Variants in FGF14 observed in about 807,000 individuals in gnomAD.
FGF14 encodes the protein fibroblast growth factor 14, also known as fibroblast growth factor homologous factor 4.
In FGF14, 5 loss-of-function variants were observed where a neutral mutation model predicts 25.5. That is an observed-to-expected ratio of 0.20 (90% CI 0.10 to 0.41). The LOEUF (loss-of-function observed/expected upper bound fraction) is 0.41. Ranked by LOEUF, FGF14 falls within the 10% of genes least tolerant of loss-of-function variation. The probability of loss-of-function intolerance (pLI) is 1.00; values close to 1 mark genes in which losing one functional copy is unlikely to be tolerated. For synonymous variants in FGF14, 138 were observed against 118.3 expected, an observed-to-expected ratio of 1.17 and a Z score of -1.08; for missense variants, 222 against 320.1, an observed-to-expected ratio of 0.69 and a Z score of 2.34.
chr13:101,806,897 C>T (rs2041236512), intron 3 of FGF14, among the ~76,000 whole-genome samples: 1 of 152,080 alleles, frequency 6.6e-6, no homozygotes, highest in Non-Finnish European at 1.5e-5. Flanking sequence ...GATAGAGCTT[C>T]CGAATTCAAC....
chr13:101,909,432 G>A (rs1358069500), intron 1 of FGF14, among the ~76,000 whole-genome samples: 9 of 152,144 alleles, frequency 5.9e-5, no homozygotes, highest in Non-Finnish European at 1.2e-4. Flanking sequence ...GTGGGTGAAG[G>A]ATATGAACAG....
chr13:101,948,452 C>A (rs2035950422), intron 1 of FGF14, among the ~76,000 whole-genome samples: 1 of 136,026 alleles, frequency 7.4e-6, no homozygotes, highest in Non-Finnish European at 1.5e-5. Flanking sequence ...TACCCTAGAA[C>A]TTAAAGTATA....
chr13:101,903,584 G>T (rs1185741391), intron 1 of FGF14, among the ~76,000 whole-genome samples: 3 of 152,066 alleles, frequency 2.0e-5, no homozygotes, highest in East Asian at 3.9e-4. Flanking sequence ...GAATACAGGA[G>T]AATTGTAGCT....
chr13:102,202,799 A>G (rs2049722972), intron 1 of FGF14, among the ~76,000 whole-genome samples: 1 of 152,156 alleles, frequency 6.6e-6, no homozygotes, highest in African/African-American at 2.4e-5. Flanking sequence ...TCCTTTTCTG[A>G]GTTCCATGGC....
intron 1 of FGF14, among the ~76,000 whole-genome samples, chr13:101,992,146 T>C (rs1288903520): frequency 6.6e-6 from 1 of 152,054 alleles, no homozygotes; most frequent in Non-Finnish European, 1.5e-5. Flanking sequence ...CACCACCATA[T>C]AAATAGGGCT....
chr13:101,879,754 G>GA (rs11433562), intron 1 of FGF14, among the ~76,000 whole-genome samples: 73,660 of 151,884 alleles, frequency 0.48, 18,281 homozygotes, highest in African/African-American at 0.56. Flanking sequence ...ATTAGCTATG[G>GA]AAAAAATCAC....
At chr13:101,958,025 T>C (rs548017600) in intron 1 of FGF14, among the ~76,000 whole-genome samples, 10 of 152,334 alleles carry the variant, frequency 6.6e-5, no homozygotes, top group Non-Finnish European at 1.3e-4. Context: ...TAAAATGTAC[T>C]ATAAATTACA....
intron 1 of FGF14, among the ~76,000 whole-genome samples, chr13:102,014,333 A>C (rs1043091070): frequency 1.3e-5 from 2 of 152,214 alleles, no homozygotes; most frequent in African/African-American, 4.8e-5. Context: ...TTTTTCCACT[A>C]GTGTAACAAC....
chr13:101,965,985 C>T (rs1416280957), intron 1 of FGF14, among the ~76,000 whole-genome samples: 1 of 152,140 alleles, frequency 6.6e-6, no homozygotes, highest in East Asian at 1.9e-4. Context: ...TCACCAGAAC[C>T]ACAATCAACT....
intron 1 of FGF14, among the ~76,000 whole-genome samples, chr13:102,200,840 T>C (rs564468714): frequency 4.3e-4 from 65 of 152,132 alleles, no homozygotes; most frequent in East Asian, 7.7e-4. Context: ...CGGTAGCTCA[T>C]GCCTGTAATC....
At position 102,387,771 on chromosome 13, in the gene FGF14, C is replaced by T. The variant is rs111377901; in HGVS notation, c.208+13700G>A. On this transcript the variant is annotated intron_variant, in intron 1 of 4. Coordinates refer to the FGF14 transcript ENST00000376131. ...TTTTTGAGATGGACTCTCGCTCTGT[C>T]GCCAGGCTGGAGTGCAGTGGCACAA... Among the ~76,000 whole-genome samples the T allele has an allele frequency of 7.8e-3, 1,186 of 151,688 alleles. 13 individuals are homozygous for T. The highest frequency in any genetic ancestry group is 0.027 in the African/African-American group (1,130 of 41,322).
At chr13:102,115,072 G>A (rs1000319856) in intron 1 of FGF14, among the ~76,000 whole-genome samples, 1 of 152,210 alleles carries the variant, frequency 6.6e-6, no homozygotes, top group African/African-American at 2.4e-5. Context: ...TGAGAAATGA[G>A]AGTGGAGAAC....
intron 1 of FGF14, among the ~76,000 whole-genome samples, chr13:101,908,622 T>A (rs28523494): frequency 5.0e-4 from 76 of 152,314 alleles, no homozygotes; most frequent in African/African-American, 1.8e-3. Flanking sequence ...CATTCCATGC[T>A]CATGGGTAGG....
At chr13:102,190,477 G>A (rs1246892891) in intron 1 of FGF14, among the ~76,000 whole-genome samples, 2 of 152,112 alleles carry the variant, frequency 1.3e-5, no homozygotes, top group Non-Finnish European at 2.9e-5. Context: ...ATCCTACAAT[G>A]CCCAGAACAG....
intron 3 of FGF14, among the ~76,000 whole-genome samples, chr13:101,753,330 C>T (rs957290125): frequency 1.3e-4 from 19 of 147,446 alleles, no homozygotes; most frequent in East Asian, 6.0e-4. Flanking sequence ...CACACACACA[C>T]GGTCTGTAAT....
intron 1 of FGF14, among the ~76,000 whole-genome samples, chr13:102,329,289 T>C (rs562492662): frequency 2.1e-4 from 32 of 152,320 alleles, no homozygotes; most frequent in African/African-American, 7.2e-4. Flanking sequence ...CTCTGAAGAT[T>C]TGGCTTCTTA....
At chr13:101,727,958 A>T (rs2035553863) in intron 3 of FGF14, among the ~76,000 whole-genome samples, 1 of 152,164 alleles carries the variant, frequency 6.6e-6, no homozygotes, top group Non-Finnish European at 1.5e-5. Context: ...GCAGAAAATA[A>T]TAATTTTTGG....
chr13:102,177,775 A>G (rs1444987117), intron 1 of FGF14, among the ~76,000 whole-genome samples: 1 of 152,014 alleles, frequency 6.6e-6, no homozygotes, highest in Non-Finnish European at 1.5e-5. Flanking sequence ...AAGAAATTAT[A>G]AAGGAAAAAA....
At chr13:102,156,697 A>G (rs979968268) in intron 1 of FGF14, among the ~76,000 whole-genome samples, 6 of 152,182 alleles carry the variant, frequency 3.9e-5, no homozygotes, top group African/African-American at 9.7e-5. Flanking sequence ...ATGGTATTCA[A>G]TTAGGAAAAG....
Sources: allele counts gnomAD v4.1 joint callset (sites outside exome capture counted in the v4.1 genomes callset), GRCh38; gene constraint gnomAD v4.1.1; transcripts MANE v1.5; gene names NCBI Gene and HGNC (gene_info 2026-07-23, HGNC 2026-07-21).